FGF14: variants seen among roughly 807,000 people sequenced by gnomAD.
FGF14 encodes the protein fibroblast growth factor homologous factor 4.
Under a neutral mutation model 25.5 loss-of-function variants are expected in FGF14, and 5 were observed. The ratio of observed to expected loss-of-function variants is 0.20; its 90% CI spans 0.10 to 0.41. The LOEUF (loss-of-function observed/expected upper bound fraction) is 0.41, where lower values mean the gene tolerates loss of function less well. Ranked by LOEUF, FGF14 falls within the 10% of genes least tolerant of loss-of-function variation. FGF14 has a pLI of 1.00. For missense variants in FGF14, 222 were observed against 320.1 expected (o/e 0.69, Z 2.34); for synonymous variants, 138 against 118.3 (o/e 1.17, Z -1.08).
chr13:102,250,478 G>A (rs1254330478), intron 1 of FGF14, among the ~76,000 whole-genome samples: 1 of 152,154 alleles, frequency 6.6e-6, no homozygotes, highest in Non-Finnish European at 1.5e-5. Flanking sequence ...CAAAGGAAAA[G>A]CAGACCACCC....
intron 1 of FGF14, among the ~76,000 whole-genome samples, chr13:102,092,136 T>C (rs1595243751): frequency 6.6e-6 from 1 of 152,308 alleles, no homozygotes; most frequent in East Asian, 1.9e-4. Flanking sequence ...TCTTGATCTC[T>C]TGATGATGTA....
intron 3 of FGF14, among the ~76,000 whole-genome samples, chr13:101,775,047 G>A (rs1000349164): frequency 2.0e-5 from 3 of 151,182 alleles, no homozygotes; most frequent in African/African-American, 7.3e-5. Context: ...AGAAAGCAGA[G>A]CTTAAGAAAC....
At chr13:101,965,940 A>G (rs1176593557) in intron 1 of FGF14, among the ~76,000 whole-genome samples, 1 of 152,186 alleles carries the variant, frequency 6.6e-6, no homozygotes, top group African/African-American at 2.4e-5. Flanking sequence ...TTATACTTTT[A>G]TAAGAAGTCA....
intron 3 of FGF14, among the ~76,000 whole-genome samples, chr13:101,826,724 T>C (rs935692045): frequency 2.0e-5 from 3 of 152,098 alleles, no homozygotes; most frequent in Non-Finnish European, 2.9e-5. Context: ...CTAAAAATTT[T>C]AAATTACTCT....
chr13:101,914,566 G>A (rs983671449), intron 1 of FGF14, among the ~76,000 whole-genome samples: 1 of 152,122 alleles, frequency 6.6e-6, no homozygotes, highest in African/African-American at 2.4e-5. Context: ...GTTGAAAATG[G>A]AGAAACGGAC....
chr13:102,204,955 G>A (rs74683049), intron 1 of FGF14, among the ~76,000 whole-genome samples: 3,007 of 152,312 alleles, frequency 0.02, 38 homozygotes, highest in Non-Finnish European at 0.032. Context: ...TCTACAAAAA[G>A]AGATAAAATG....
At chr13:102,151,447 A>AT (rs1594162721) in intron 1 of FGF14, among the ~76,000 whole-genome samples, 1 of 152,144 alleles carries the variant, frequency 6.6e-6, no homozygotes, top group Non-Finnish European at 1.5e-5. Context: ...AGTACTTAAC[A>AT]TCTATACTAA....
At chr13:101,896,951 T>G (rs982362023) in intron 1 of FGF14, among the ~76,000 whole-genome samples, 32 of 152,072 alleles carry the variant, frequency 2.1e-4, no homozygotes, top group Non-Finnish European at 2.9e-4. Flanking sequence ...AGGCAAGACA[T>G]AAGAAAATAT....
intron 1 of FGF14, among the ~76,000 whole-genome samples, chr13:102,018,462 G>A (rs2040460485): frequency 6.6e-6 from 1 of 152,002 alleles, no homozygotes; most frequent in African/African-American, 2.4e-5. Context: ...AATGAAAATA[G>A]TTTCCATGCC....
chr13:102,028,914 T>C (rs2041071943), intron 1 of FGF14, among the ~76,000 whole-genome samples: 1 of 152,080 alleles, frequency 6.6e-6, no homozygotes, highest in Non-Finnish European at 1.5e-5. Context: ...CTACCTGCCT[T>C]GCTATCCTTA....
At chr13:102,355,159 T>C (rs2057387069) in intron 1 of FGF14, among the ~76,000 whole-genome samples, 1 of 152,162 alleles carries the variant, frequency 6.6e-6, no homozygotes, top group Non-Finnish European at 1.5e-5. Context: ...ATGATGGAAG[T>C]AGCAAAATGC....
At chr13:102,146,219 A>G (rs970331393) in intron 1 of FGF14, among the ~76,000 whole-genome samples, 2 of 152,182 alleles carry the variant, frequency 1.3e-5, no homozygotes, top group African/African-American at 2.4e-5. Context: ...CACGCAGTAC[A>G]TGTTACCTTA....
At chr13:102,119,666 C>T (rs1057509703) in intron 1 of FGF14, among the ~76,000 whole-genome samples, 5 of 152,066 alleles carry the variant, frequency 3.3e-5, no homozygotes, top group South Asian at 2.1e-4. Flanking sequence ...TCTATATTCA[C>T]GCACACATAA....
intron 1 of FGF14, among the ~76,000 whole-genome samples, chr13:102,081,773 T>C (rs2043635139): frequency 6.6e-6 from 1 of 152,200 alleles, no homozygotes; most frequent in Non-Finnish European, 1.5e-5. Context: ...TAATATCTAG[T>C]TGGTAAAATG....
rs74454961 is a variant in FGF14 at position 102,361,931 on chromosome 13, G to A, written c.208+39540C>T. On this transcript the variant is annotated intron_variant, in intron 1 of 4. Transcript: ENST00000376131. ...TCCAGGGCTGACATGGTGGTTTCACGGTGTCAGTAGCCCAGTCTCCTTCAG... is the reference window on the plus strand; with the variant it reads ...TCCAGGGCTGACATGGTGGTTTCACAGTGTCAGTAGCCCAGTCTCCTTCAG... Among the ~76,000 whole-genome samples the A allele has an allele frequency of 4.5e-3, 692 of 152,124 alleles. 4 individuals are homozygous for A. Among genetic ancestry groups the A allele is most frequent in the African/African-American group, 0.016 (657 of 41,498 alleles).
intron 1 of FGF14, among the ~76,000 whole-genome samples, chr13:102,302,516 C>A (rs973023277): frequency 6.6e-6 from 1 of 152,078 alleles, no homozygotes; most frequent in Non-Finnish European, 1.5e-5. Flanking sequence ...AATTTACATC[C>A]CCAATCCTCA....
At chr13:102,176,357 A>G (rs1280273358) in intron 1 of FGF14, among the ~76,000 whole-genome samples, 1 of 152,138 alleles carries the variant, frequency 6.6e-6, no homozygotes, top group African/African-American at 2.4e-5. Context: ...TATAAGTGAG[A>G]GCTAAACAAT....
intron 1 of FGF14, among the ~76,000 whole-genome samples, chr13:102,194,524 T>C (rs978220603): frequency 9.2e-5 from 14 of 152,060 alleles, no homozygotes; most frequent in African/African-American, 3.1e-4. Flanking sequence ...ATCAGTGAAC[T>C]TGAAGACAGG....
At chr13:101,734,744 G>A (rs2139740507) in intron 3 of FGF14, among the ~76,000 whole-genome samples, 1 of 152,174 alleles carries the variant, frequency 6.6e-6, no homozygotes, top group Non-Finnish European at 1.5e-5. Context: ...ATAATCGTAT[G>A]GGATGACACT....
Sources: allele counts gnomAD v4.1 joint callset (sites outside exome capture counted in the v4.1 genomes callset), GRCh38; gene constraint gnomAD v4.1.1; transcripts MANE v1.5; gene names NCBI Gene and HGNC (gene_info 2026-07-23, HGNC 2026-07-21).